Variants in XYLT1 observed in about 807,000 individuals in gnomAD.
The protein encoded by XYLT1 is xylosyltransferase 1, also known as beta-D-xylosyltransferase 1.
Under a neutral mutation model 91.3 loss-of-function variants are expected in XYLT1, and 36 were observed. The ratio of observed to expected loss-of-function variants is 0.39; its 90% CI spans 0.30 to 0.52. The LOEUF is 0.52. XYLT1 is among the 20% of genes least tolerant of loss of function. The pLI, the probability that XYLT1 is intolerant of heterozygous loss-of-function variation, is 0.68. For synonymous variants in XYLT1, 588 were observed against 532.0 expected (o/e 1.11, Z -1.45); for missense variants, 1,242 against 1,284.5 (o/e 0.97, Z 0.51).
intron 10 of XYLT1, among the ~76,000 whole-genome samples, chr16:17,121,630 G>A (rs932262765): frequency 6.6e-6 from 1 of 152,150 alleles, no homozygotes; most frequent in African/African-American, 2.4e-5. Context: ...GGTGGTGTTT[G>A]CTTACATGAA....
chr16:17,137,850 CA>C (rs2030801425), intron 8 of XYLT1, among the ~76,000 whole-genome samples: 1 of 152,230 alleles, frequency 6.6e-6, no homozygotes, highest in African/African-American at 2.4e-5. Flanking sequence ...GAGGGTTTCT[CA>C]ACCAGAGGTG....
At chr16:17,460,419 C>T (rs1256826056) in intron 1 of XYLT1, among the ~76,000 whole-genome samples, 2 of 152,210 alleles carry the variant, frequency 1.3e-5, no homozygotes, top group African/African-American at 4.8e-5. Context: ...GGGTCTCCAC[C>T]ACCAGCTAGG....
At chr16:17,197,022 T>TATATATATAG (rs540012834) in intron 5 of XYLT1, among the ~76,000 whole-genome samples, 1 of 119,272 alleles carries the variant, frequency 8.4e-6, no homozygotes, top group Non-Finnish European at 1.7e-5. Flanking sequence ...AAAATATATA[T>TATATATATAG]ATATATATAG....
intron 1 of XYLT1, among the ~76,000 whole-genome samples, chr16:17,454,764 T>C (rs2141953585): frequency 6.6e-6 from 1 of 152,202 alleles, no homozygotes; most frequent in Middle Eastern, 3.4e-3. Flanking sequence ...GGTAGCAAAC[T>C]TCTGGCCCCA....
intron 1 of XYLT1, among the ~76,000 whole-genome samples, chr16:17,377,354 GA>G (rs536273671): frequency 8.3e-4 from 127 of 152,264 alleles, no homozygotes; most frequent in African/African-American, 2.5e-3. Flanking sequence ...CATGAGGCCA[GA>G]CACTAACCCC....
intron 2 of XYLT1, among the ~76,000 whole-genome samples, chr16:17,328,442 G>A (rs995228443): frequency 2.0e-5 from 3 of 150,894 alleles, no homozygotes; most frequent in Admixed American, 6.6e-5. Flanking sequence ...CCAGATACTC[G>A]GGAGGCTGAG....
chr16:17,129,093 A>AAAAAAAAAAAG (rs1555480054), intron 9 of XYLT1, among the ~76,000 whole-genome samples: 1 of 150,914 alleles, frequency 6.6e-6, no homozygotes, highest in African/African-American at 2.4e-5. Context: ...AAAAAAAAAA[A>AAAAAAAAAAAG]AAAACTTGAA....
chr16:17,192,683 T>C (rs1205864003), intron 5 of XYLT1, among the ~76,000 whole-genome samples: 1 of 152,156 alleles, frequency 6.6e-6, no homozygotes, highest in Non-Finnish European at 1.5e-5. Flanking sequence ...CAGGAGCACC[T>C]AGAGTCTCTA....
At chr16:17,318,409 T>C (rs1028545193) in intron 2 of XYLT1, among the ~76,000 whole-genome samples, 1 of 152,192 alleles carries the variant, frequency 6.6e-6, no homozygotes, top group Non-Finnish European at 1.5e-5. Flanking sequence ...AAGGCCAAGA[T>C]TGTGTTTTGT....
intron 3 of XYLT1, among the ~76,000 whole-genome samples, chr16:17,244,541 G>C (rs759333717): frequency 6.6e-6 from 1 of 152,128 alleles, no homozygotes; most frequent in Non-Finnish European, 1.5e-5. Context: ...ATTTAAAATG[G>C]GCAAGCTGTT....
rs576044526 is a variant in XYLT1 at position 17,341,238 on chromosome 16, A to C, written c.402+16774T>G. Among the ~76,000 whole-genome samples, 11 of 152,332 alleles carry C rather than the reference A, an allele frequency of 7.2e-5. No homozygotes were observed. The East Asian group carries it at 2.1e-3, about 29-fold the overall frequency. ...AAAATAGGGGGAAAAAAACCAATCT[A>C]AATGTCTACCAACAGGAAATCAGTG... On this transcript the variant is annotated intron_variant, in intron 2 of 11. Coordinates refer to ENST00000261381, the MANE Select transcript of XYLT1 (RefSeq NM_022166.4).
Position 17,401,561 on chromosome 16 carries a change from T to A in XYLT1, c.364-43511A>T, listed in dbSNP as rs539958623. On this transcript the variant is annotated intron_variant, in intron 1 of 11. Coordinates refer to ENST00000261381, the MANE Select transcript of XYLT1 (RefSeq NM_022166.4). ...ATGTTCCCGGGCAGGTAATTTAACC[T>A]CTCTTTGTCTCTGTTCCTATATCTG... Among the ~76,000 whole-genome samples the A allele has an allele frequency of 4.7e-4, 71 of 152,244 alleles. 1 individual carries two copies. The South Asian group carries it at 0.015, about 31-fold the overall frequency.
At chr16:17,139,000 A>G (rs1247947879) in intron 7 of XYLT1, among the ~76,000 whole-genome samples, 1 of 152,214 alleles carries the variant, frequency 6.6e-6, no homozygotes, top group East Asian at 1.9e-4. Flanking sequence ...GCCAGACGGC[A>G]ACATAGGGAA....
intron 2 of XYLT1, among the ~76,000 whole-genome samples, chr16:17,287,212 T>C (rs539485289): frequency 2.0e-5 from 3 of 152,210 alleles, no homozygotes; most frequent in South Asian, 2.1e-4. Context: ...TTTTTCATCA[T>C]GTAGATGCTC....
intron 3 of XYLT1, among the ~76,000 whole-genome samples, chr16:17,215,945 T>C (rs1308015161): frequency 6.6e-6 from 1 of 152,086 alleles, no homozygotes; most frequent in East Asian, 1.9e-4. Context: ...TTATCCATGG[T>C]TGAGGAGTGG....
At chr16:17,326,995 C>T (rs539921818) in intron 2 of XYLT1, among the ~76,000 whole-genome samples, 2 of 152,318 alleles carry the variant, frequency 1.3e-5, no homozygotes, top group Admixed American at 1.3e-4. Flanking sequence ...GCCGACCCTG[C>T]TGATGGCAGA....
At chr16:17,469,111 G>A (rs919704940) in intron 1 of XYLT1, among the ~76,000 whole-genome samples, 9 of 152,138 alleles carry the variant, frequency 5.9e-5, no homozygotes, top group Non-Finnish European at 8.8e-5. Context: ...CACGTCTTGG[G>A]ACTGGCTCAG....
chr16:17,388,691 G>A (rs1268779849), intron 1 of XYLT1, among the ~76,000 whole-genome samples: 1 of 152,206 alleles, frequency 6.6e-6, no homozygotes, highest in Non-Finnish European at 1.5e-5. Context: ...TAAGGATCCT[G>A]AAGCATCTCA....
chr16:17,442,141 G>A (rs1268377862), intron 1 of XYLT1, among the ~76,000 whole-genome samples: 1 of 152,106 alleles, frequency 6.6e-6, no homozygotes, highest in African/African-American at 2.4e-5. Flanking sequence ...GAGACTGCTG[G>A]TTTTCAGACT....
Sources: gnomAD v4.1 joint callset for allele counts (sites outside exome capture counted in the v4.1 genomes callset) on GRCh38, gnomAD v4.1.1 for gene constraint, MANE v1.5 for transcripts, NCBI Gene and HGNC (gene_info 2026-07-23, HGNC 2026-07-21) for gene names.